The following ZNF236 variants were observed in gnomAD, a reference collection of about 807,000 sequenced individuals.
ZNF236 encodes the protein zinc finger protein 236.
Under a neutral mutation model 191.2 loss-of-function variants are expected in ZNF236, and 50 were observed. The observed-to-expected ratio is 0.26, with a 90% confidence interval of 0.21 to 0.33. The LOEUF (loss-of-function observed/expected upper bound fraction) is 0.33. Among genes scored for constraint, ZNF236 ranks in the 10% least tolerant of loss-of-function variants. The probability of loss-of-function intolerance (pLI) is 1.00; values close to 1 mark genes in which losing one functional copy is unlikely to be tolerated. For missense variants in ZNF236, 1,754 were observed against 2,374.5 expected, an observed-to-expected ratio of 0.74 and a Z score of 5.43; for synonymous variants, 907 against 928.8, an observed-to-expected ratio of 0.98 and a Z score of 0.43.
intron 9 of ZNF236, among the ~76,000 whole-genome samples, chr18:76,894,141 A>G (rs1393746291): frequency 1.3e-5 from 2 of 152,264 alleles, no homozygotes; most frequent in Non-Finnish European, 2.9e-5. Flanking sequence ...AATTTTAAAA[A>G]TAAGGTGATT....
chr18:76,843,794 A>AC, intron 1 of ZNF236, among the ~76,000 whole-genome samples: 1 of 130,578 alleles, frequency 7.7e-6, no homozygotes, highest in Non-Finnish European at 1.7e-5. Flanking sequence ...AAAAAAAAAA[A>AC]AAAAAAAAAA....
chr18:76,928,296 A>C (rs1967760417), intron 25 of ZNF236, among the ~76,000 whole-genome samples, 190 bp downstream of exon 25: 1 of 152,238 alleles, frequency 6.6e-6, no homozygotes, highest in Non-Finnish European at 1.5e-5. Flanking sequence ...AGAAATGAAA[A>C]ATTATAGTTT....
chr18:76,914,042 A>G, intron 18 of ZNF236, 144 bp downstream of exon 18: 1 of 895,334 alleles, frequency 1.1e-6, no homozygotes, highest in African/African-American at 1.7e-5. Flanking sequence ...GCAACCATCA[A>G]AACTGTAATT....
intron 3 of ZNF236, among the ~76,000 whole-genome samples, chr18:76,866,345 C>T (rs117082231): frequency 0.016 from 2,412 of 151,978 alleles, 29 homozygotes; most frequent in Middle Eastern, 0.02. Flanking sequence ...GAGCAGTAGC[C>T]GAGGTCAGCA....
intron 21 of ZNF236, among the ~76,000 whole-genome samples, chr18:76,924,556 A>T (rs1404116307): frequency 6.6e-6 from 1 of 152,160 alleles, no homozygotes. Context: ...CCAGCCAGGA[A>T]GTTTTTCAGC....
chr18:76,971,139 G>T lies in ZNF236; in HGVS notation c.*2800G>T, dbSNP rs1968902865. The stretch of plus-strand genomic sequence containing the variant: ...AAGATACCAAACGTGAAGGTGGGGT[G>T]CAGGTACTGAGGAAGCAGGAGGCAT... On this transcript the variant is annotated 3_prime_UTR_variant, in exon 31 of 31. Coordinates refer to ENST00000320610, the MANE Select transcript of ZNF236 (RefSeq NM_001306089.2). Among the ~76,000 whole-genome samples, 2 of 152,366 alleles carry T rather than the reference G, an allele frequency of 1.3e-5. No homozygotes were observed. The highest frequency in any genetic ancestry group is 2.9e-5 in the Non-Finnish European group (2 of 68,034).
At chr18:76,892,933 A>G (rs576227083) in intron 9 of ZNF236, among the ~76,000 whole-genome samples, 1 of 152,366 alleles carries the variant, frequency 6.6e-6, no homozygotes, top group South Asian at 2.1e-4. Flanking sequence ...TTGCAGATCT[A>G]GCTTTCCGGA....
chr18:76,888,695 G>C (rs987921561), intron 9 of ZNF236: 2 of 152,194 alleles, frequency 1.3e-5, no homozygotes, highest in African/African-American at 4.8e-5. Context: ...ACCAGCATTT[G>C]GATTTTGTCC....
chr18:76,865,409 A>G (rs1322898853), intron 3 of ZNF236, among the ~76,000 whole-genome samples: 2 of 152,184 alleles, frequency 1.3e-5, no homozygotes, highest in African/African-American at 2.4e-5. Context: ...CAAGAAACTT[A>G]CTCCAAACAT....
chr18:76,950,891 G>A (rs943442308), intron 27 of ZNF236, among the ~76,000 whole-genome samples: 1 of 152,226 alleles, frequency 6.6e-6, no homozygotes, highest in Non-Finnish European at 1.5e-5. Flanking sequence ...GGGCTACAGT[G>A]TGGATGTCAT....
chr18:76,842,595 T>C (rs932497486), intron 1 of ZNF236, among the ~76,000 whole-genome samples: 8 of 152,048 alleles, frequency 5.3e-5, no homozygotes, highest in Admixed American at 3.9e-4. Flanking sequence ...CTACTAAAAA[T>C]ACAAAATTAG....
intron 27 of ZNF236, among the ~76,000 whole-genome samples, chr18:76,954,901 GCA>G (rs1252531424): frequency 3.9e-5 from 6 of 151,994 alleles, no homozygotes; most frequent in African/African-American, 1.5e-4. Context: ...TTAAATTATA[GCA>G]CAGATTAATA....
chr18:76,899,562 AGTGCACG>A (rs1282386621), intron 11 of ZNF236, among the ~76,000 whole-genome samples: 1 of 152,238 alleles, frequency 6.6e-6, no homozygotes, highest in Non-Finnish European at 1.5e-5. Context: ...TGAAACACAC[AGTGCACG>A]TTGTTGTTTT....
At chr18:76,912,905 G>A (rs1360016997) in intron 17 of ZNF236, among the ~76,000 whole-genome samples, 3 of 152,166 alleles carry the variant, frequency 2.0e-5, no homozygotes, top group African/African-American at 4.8e-5. Flanking sequence ...CACCTGCATC[G>A]GCCTCCCAAA....
At chr18:76,966,601 G>A (rs1451264958) in intron 30 of ZNF236, among the ~76,000 whole-genome samples, 1 of 152,106 alleles carries the variant, frequency 6.6e-6, no homozygotes, top group Non-Finnish European at 1.5e-5. Flanking sequence ...TGCAGTTCAG[G>A]TGCTGTCTCG....
chr18:76,939,544 C>G (rs1470570484), intron 26 of ZNF236, among the ~76,000 whole-genome samples: 1 of 152,152 alleles, frequency 6.6e-6, no homozygotes, highest in Non-Finnish European at 1.5e-5. Context: ...TGGGAGAGCA[C>G]TTTTCCTTAT....
intron 20 of ZNF236, among the ~76,000 whole-genome samples, chr18:76,922,604 T>C (rs1265604024): frequency 6.6e-6 from 1 of 151,962 alleles, no homozygotes; most frequent in African/African-American, 2.4e-5. Flanking sequence ...TCACCCAGGC[T>C]GGAGTGCAGT....
chr18:76,957,415 T>C (rs1415466063), intron 28 of ZNF236, among the ~76,000 whole-genome samples: 2 of 152,220 alleles, frequency 1.3e-5, no homozygotes, highest in Non-Finnish European at 2.9e-5. Context: ...GTGGCTCCTC[T>C]CCCAGGTCCC....
chr18:76,822,557 G>A lies in ZNF236; in HGVS notation c.-51G>A. ...CGTGCGCGCCCCCGCCGCCGCGTGTGAGTGTGAGTGTGAGTGTGAGTGGGT... is the reference window on the plus strand; with the variant it reads ...CGTGCGCGCCCCCGCCGCCGCGTGTAAGTGTGAGTGTGAGTGTGAGTGGGT... On this transcript the variant is annotated 5_prime_UTR_variant, in exon 1 of 31. Coordinates refer to ENST00000320610, the MANE Select transcript of ZNF236 (RefSeq NM_001306089.2). 6.8e-6 allele frequency: 1 copy of A among 148,130 alleles called. No individual in the cohort carries two copies. Among genetic ancestry groups the A allele is most frequent in the Non-Finnish European group, 1.5e-5 (1 of 66,908 alleles). 9.2% of individuals were successfully genotyped at this position (148,130 alleles called of 1,614,324 possible).
Sources: allele counts gnomAD v4.1 joint callset (sites outside exome capture counted in the v4.1 genomes callset), GRCh38; gene constraint gnomAD v4.1.1; transcripts MANE v1.5; gene names NCBI Gene and HGNC (gene_info 2026-07-23, HGNC 2026-07-21).